Variants in HIVEP3 observed in about 807,000 individuals in gnomAD.
HIVEP3 encodes the protein HIVEP zinc finger 3.
Under a neutral mutation model 152.8 loss-of-function variants are expected in HIVEP3, and 49 were observed. The observed-to-expected ratio is 0.32, with a 90% CI of 0.26 to 0.41. The LOEUF (loss-of-function observed/expected upper bound fraction) is 0.41. Ranked by LOEUF, HIVEP3 falls within the 10% of genes least tolerant of loss-of-function variation. The pLI is 1.00. For synonymous variants in HIVEP3, 1,269 were observed against 1,289.0 expected, an observed-to-expected ratio of 0.98 and a Z score of 0.33; for missense variants, 2,790 against 3,103.3, an observed-to-expected ratio of 0.90 and a Z score of 2.40.
intron 1 of HIVEP3, among the ~76,000 whole-genome samples, chr1:41,959,467 A>T (rs998904091): frequency 7.2e-5 from 11 of 152,210 alleles, no homozygotes; most frequent in Non-Finnish European, 1.6e-4. Context: ...ACAGGAACAC[A>T]TGACCATGTG....
intron 1 of HIVEP3, among the ~76,000 whole-genome samples, chr1:41,741,549 C>A (rs1409792666): frequency 6.6e-6 from 1 of 152,212 alleles, no homozygotes; most frequent in South Asian, 2.1e-4. Context: ...TAATCCTCAC[C>A]CCCATCCTTG....
chr1:42,034,486 T>C (rs142459309), intron 1 of HIVEP3, among the ~76,000 whole-genome samples: 1 of 152,324 alleles, frequency 6.6e-6, no homozygotes, highest in Non-Finnish European at 1.5e-5. Flanking sequence ...GATTCAACAC[T>C]ACAACGGCGC....
At chr1:41,544,869 A>T (rs1411463311) in intron 5 of HIVEP3, among the ~76,000 whole-genome samples, 2 of 116,740 alleles carry the variant, frequency 1.7e-5, no homozygotes, top group African/African-American at 3.9e-5. Flanking sequence ...CACCACCACC[A>T]CCACCACTAC....
chr1:41,818,789 A>C (rs1409289738), intron 1 of HIVEP3, among the ~76,000 whole-genome samples: 2 of 152,188 alleles, frequency 1.3e-5, no homozygotes, highest in African/African-American at 2.4e-5. Flanking sequence ...CCCCTTGTGC[A>C]TTCCAACCTC....
intron 1 of HIVEP3, among the ~76,000 whole-genome samples, chr1:41,784,752 T>C (rs1031323501): frequency 6.6e-6 from 1 of 152,242 alleles, no homozygotes; most frequent in African/African-American, 2.4e-5. Flanking sequence ...TAAATTCTAT[T>C]GTAGTCTTCT....
intron 1 of HIVEP3, among the ~76,000 whole-genome samples, chr1:41,793,166 G>T (rs1649795721): frequency 6.6e-6 from 1 of 152,218 alleles, no homozygotes; most frequent in African/African-American, 2.4e-5. Context: ...CGGGTTCTGG[G>T]AACTTGGGAC....
intron 2 of HIVEP3, among the ~76,000 whole-genome samples, chr1:41,639,618 T>C (rs1231444516): frequency 2.0e-5 from 3 of 152,148 alleles, no homozygotes; most frequent in African/African-American, 4.8e-5. Context: ...GGCTTCTGTT[T>C]TGGGGTTTGG....
intron 1 of HIVEP3, among the ~76,000 whole-genome samples, chr1:41,964,686 T>A (rs1476783704): frequency 6.6e-6 from 1 of 152,156 alleles, no homozygotes; most frequent in Admixed American, 6.5e-5. Context: ...TTAGGTGGGA[T>A]CCAGATCCAT....
chr1:41,545,227 CTACCAT>C (rs1643724006), intron 5 of HIVEP3, among the ~76,000 whole-genome samples: 1 of 128,884 alleles, frequency 7.8e-6, no homozygotes, highest in Non-Finnish European at 1.7e-5. Context: ...ACCACCATCG[CTACCAT>C]CACCACCACC....
At chr1:41,817,626 A>T (rs1277172348) in intron 1 of HIVEP3, among the ~76,000 whole-genome samples, 1 of 152,184 alleles carries the variant, frequency 6.6e-6, no homozygotes, top group Non-Finnish European at 1.5e-5. Flanking sequence ...ATTTAGAGGT[A>T]TGTTTAACTT....
At chr1:41,936,672 G>A (rs1011279317) in intron 1 of HIVEP3, among the ~76,000 whole-genome samples, 1 of 152,186 alleles carries the variant, frequency 6.6e-6, no homozygotes, top group African/African-American at 2.4e-5. Context: ...CAAATACAAA[G>A]TGTGACTACT....
intron 1 of HIVEP3, among the ~76,000 whole-genome samples, chr1:41,996,262 G>A (rs1246921249): frequency 2.0e-5 from 3 of 151,984 alleles, no homozygotes; most frequent in African/African-American, 2.4e-5. Context: ...GGTGGTGTAT[G>A]CTGTAGTCCT....
chr1:41,700,190 G>A (rs903634532), intron 2 of HIVEP3, among the ~76,000 whole-genome samples: 6 of 152,142 alleles, frequency 3.9e-5, no homozygotes, highest in Non-Finnish European at 7.3e-5. Context: ...TCCTCCACTG[G>A]AGCAGAAGCT....
chr1:41,625,236 GA>G (rs66696837), intron 3 of HIVEP3, among the ~76,000 whole-genome samples: 81,913 of 140,678 alleles, frequency 0.58, 23,723 homozygotes, highest in African/African-American at 0.75. Context: ...AAACAAGAAA[GA>G]AAAAGGAATA....
chr1:41,717,701 G>C (rs1218550891), intron 1 of HIVEP3, among the ~76,000 whole-genome samples: 1 of 152,198 alleles, frequency 6.6e-6, no homozygotes, highest in Non-Finnish European at 1.5e-5. Flanking sequence ...GACTTGCCTG[G>C]AACCATGCTG....
intron 1 of HIVEP3, among the ~76,000 whole-genome samples, chr1:41,958,526 C>G (rs991273155): frequency 3.9e-5 from 6 of 152,178 alleles, no homozygotes; most frequent in Non-Finnish European, 8.8e-5. Flanking sequence ...GAGGTACACC[C>G]CAGGTTTCAC....
At chr1:41,921,912 GCACACACACACACCA>G (rs550390264), upstream of HIVEP3, among the ~76,000 whole-genome samples, 491 of 151,398 alleles carry the variant, frequency 3.2e-3, 1 homozygote, top group African/African-American at 6.3e-3. Flanking sequence ...CAAAAAGTGC[GCACACACACACACCA>G]CACACACACA....
At chr1:41,659,226 G>A (rs1336939106) in intron 2 of HIVEP3, among the ~76,000 whole-genome samples, 2 of 152,168 alleles carry the variant, frequency 1.3e-5, no homozygotes, top group African/African-American at 4.8e-5. Context: ...AGCTTTGCAA[G>A]GCTGTCACTT....
chr1:42,021,643 A>G (rs1645554872), intron 1 of HIVEP3, among the ~76,000 whole-genome samples: 1 of 152,212 alleles, frequency 6.6e-6, no homozygotes, highest in African/African-American at 2.4e-5. Flanking sequence ...CAGATACATC[A>G]TACCACAAGA....
Sources: gnomAD v4.1 joint callset for allele counts (sites outside exome capture counted in the v4.1 genomes callset) on GRCh38, gnomAD v4.1.1 for gene constraint, MANE v1.5 for transcripts, NCBI Gene and HGNC (gene_info 2026-07-23, HGNC 2026-07-21) for gene names.